The following FBN2 variants were observed in gnomAD, a reference collection of about 807,000 sequenced individuals.
The protein encoded by FBN2 is fibrillin-2.
FBN2 carries 105 observed loss-of-function variants against 355.6 expected under a neutral mutation model. The observed-to-expected ratio is 0.30, with a 90% CI of 0.25 to 0.35. The LOEUF is 0.35. Ranked by LOEUF, FBN2 falls within the 10% of genes least tolerant of loss-of-function variation. FBN2 has a pLI of 1.00. For synonymous variants in FBN2, 1,350 were observed against 1,301.2 expected, an observed-to-expected ratio of 1.04 and a Z score of -0.81; for missense variants, 3,280 against 3,758.7, an observed-to-expected ratio of 0.87 and a Z score of 3.33.
intron 5 of FBN2, among the ~76,000 whole-genome samples, chr5:128,469,015 G>C (rs1754785925): frequency 6.6e-6 from 1 of 152,082 alleles, no homozygotes; most frequent in South Asian, 2.1e-4. Context: ...TGGAAATTAA[G>C]TCTACAACTG....
intron 5 of FBN2, among the ~76,000 whole-genome samples, chr5:128,480,004 A>C (rs868603446): frequency 1.8e-3 from 142 of 79,890 alleles, no homozygotes; most frequent in Non-Finnish European, 2.7e-3. Flanking sequence ...ATATATATAT[A>C]TATATATATA....
Position 128,361,736 on chromosome 5 carries a change from T to C in FBN2, c.2541A>G (p.Thr847=). The change falls in exon 19 of 65, where the codon ACA becomes ACG. Residue 847 remains threonine (T), a synonymous_variant. Transcript: ENST00000262464. ...GACAGCTCTTACCTTCACAGGTCTCTGTCTCAGTCCTGAACACATACCCTG... is the reference window on the plus strand; with the variant it reads ...GACAGCTCTTACCTTCACAGGTCTCCGTCTCAGTCCTGAACACATACCCTG... ...CPPGYVFRTE[T]ETCEDINECE... The C allele has an allele frequency of 6.2e-7, 1 of 1,614,182 alleles. No individual in the cohort carries two copies. Among genetic ancestry groups the C allele is most frequent in the South Asian group, 1.1e-5 (1 of 91,086 alleles).
rs1045470533 is a variant in FBN2 at position 128,386,766 on chromosome 5, A to G, written c.1603+5252T>C. Among the ~76,000 whole-genome samples the G allele has an allele frequency of 5.9e-5, 9 of 152,080 alleles. No homozygotes were observed. The East Asian group carries it at 1.7e-3, about 29-fold the overall frequency. ...TTATTGATTTGCATATGCTGAACTC[A>G]CCTTGCATCCTAGGGATAAAGCTTA... On this transcript the variant is annotated intron_variant, in intron 11 of 64. Coordinates refer to ENST00000262464, the MANE Select transcript of FBN2 (RefSeq NM_001999.4).
At chr5:128,321,266 T>TA (rs1320075238) in intron 34 of FBN2, among the ~76,000 whole-genome samples, 5 of 152,224 alleles carry the variant, frequency 3.3e-5, no homozygotes, top group Non-Finnish European at 7.3e-5. Context: ...TGTCTTTTGA[T>TA]ATTGAATATT....
chr5:128,272,242 T>G (rs10038028), intron 61 of FBN2, 124 bp from the exon 62 acceptor site: 1 of 1,085,272 alleles, frequency 9.2e-7, no homozygotes, highest in Non-Finnish European at 1.4e-6. Flanking sequence ...ACATGACACA[T>G]AGAGAGGCTG....
intron 6 of FBN2, among the ~76,000 whole-genome samples, chr5:128,455,990 CAAAAAAAAAAAAAAAA>C (rs70997371): frequency 1.2e-3 from 31 of 25,278 alleles, no homozygotes; most frequent in Admixed American, 0.01. Flanking sequence ...GGGTTAGCAA[CAAAAAAAAAAAAAAAA>C]AAAAAAAAAA....
rs1000736386 is a variant in FBN2, at chr5:128,407,623, T to C, written c.1078+1051A>G. Among the ~76,000 whole-genome samples the C allele has an allele frequency of 3.3e-5, 5 of 152,218 alleles. No homozygotes were observed. The East Asian group carries it at 9.6e-4, about 29-fold the overall frequency. ...TCTACTGTTATTTATGATGACAATA[T>C]GGCATTCTGAAGGCAGGATTTGTAT... On this transcript the variant is annotated intron_variant, in intron 8 of 64. Coordinates refer to ENST00000262464, the MANE Select transcript of FBN2 (RefSeq NM_001999.4).
At chr5:128,449,868 A>T (rs1199955766) in intron 6 of FBN2, among the ~76,000 whole-genome samples, 1 of 152,078 alleles carries the variant, frequency 6.6e-6, no homozygotes, top group Non-Finnish European at 1.5e-5. Context: ...CAATTAAAAA[A>T]ATCTGGAATG....
At chr5:128,520,398 T>C (rs1173811308) in intron 4 of FBN2, among the ~76,000 whole-genome samples, 1 of 152,156 alleles carries the variant, frequency 6.6e-6, no homozygotes, top group Non-Finnish European at 1.5e-5. Flanking sequence ...GTTGAAACAT[T>C]TGTCCTCACA....
chr5:128,368,871 G>T (rs544356549), intron 16 of FBN2, among the ~76,000 whole-genome samples: 5 of 150,972 alleles, frequency 3.3e-5, no homozygotes, highest in African/African-American at 1.2e-4. Context: ...CCAAGACAGG[G>T]TCTCACCCTG....
intron 41 of FBN2, among the ~76,000 whole-genome samples, chr5:128,308,601 T>C (rs1436427561): frequency 1.3e-5 from 2 of 152,186 alleles, no homozygotes; most frequent in African/African-American, 4.8e-5. Flanking sequence ...GAGAGCCTGA[T>C]GGACAGCAAT....
chr5:128,315,442 C>T (rs1750175759), intron 36 of FBN2, among the ~76,000 whole-genome samples: 1 of 152,156 alleles, frequency 6.6e-6, no homozygotes, highest in Non-Finnish European at 1.5e-5. Flanking sequence ...ATCATTATTT[C>T]TGGTTCTTCT....
chr5:128,300,905 A>G lies in FBN2; in HGVS notation c.6078T>C (p.Ser2026=). The change falls in exon 48 of 65, where the codon TCT becomes TCC. Residue 2026 remains serine, a synonymous_variant. Transcript: ENST00000262464. ...DTNECVALPG[S]CSPGTCQNLE... ...AATTCTGACAGGTACCAGGAGAGCAAGAGCCGGGAAGGGCGACACACTCAT... is the reference window on the plus strand; with the variant it reads ...AATTCTGACAGGTACCAGGAGAGCAGGAGCCGGGAAGGGCGACACACTCAT... 6.2e-7 allele frequency: 1 copy of G among 1,613,882 alleles called. No individual in the cohort carries two copies. Among genetic ancestry groups the G allele is most frequent in the Non-Finnish European group, 8.5e-7 (1 of 1,179,740 alleles).
chr5:128,297,981 T>C, intron 48 of FBN2, among the ~76,000 whole-genome samples: 1 of 151,602 alleles, frequency 6.6e-6, no homozygotes, highest in Non-Finnish European at 1.5e-5. Flanking sequence ...GTACCGGTTG[T>C]TCCTTTCCAT....
chr5:128,498,795 T>C (rs964093531), intron 5 of FBN2, among the ~76,000 whole-genome samples: 3 of 152,196 alleles, frequency 2.0e-5, no homozygotes, highest in Non-Finnish European at 4.4e-5. Flanking sequence ...TTCACTATGA[T>C]CTCTACAATC....
intron 11 of FBN2, among the ~76,000 whole-genome samples, chr5:128,384,980 G>A (rs1752327795): frequency 2.0e-5 from 3 of 152,070 alleles, no homozygotes; most frequent in African/African-American, 7.2e-5. Flanking sequence ...TATGAAATGG[G>A]TTCTTTGGCT....
rs748823633 is a variant in FBN2, at chr5:128,280,388, G to A, written c.7013-71C>T. On this transcript the variant is annotated intron_variant, in intron 55 of 64. Coordinates refer to ENST00000262464, the MANE Select transcript of FBN2 (RefSeq NM_001999.4). The stretch of plus-strand genomic sequence containing the variant: ...ATAGTTTACAAGCTATCTTCTAATG[G>A]GTTATATCTTATTTAACACTTCTTT... 27 of 1,206,726 alleles carry A rather than the reference G, an allele frequency of 2.2e-5. No homozygotes were observed. The South Asian group carries it at 2.9e-4, about 13-fold the overall frequency. 74.8% of individuals were successfully genotyped at this position (1,206,726 alleles called of 1,614,324 possible).
At chr5:128,448,091 A>G (rs1754123200) in intron 6 of FBN2, among the ~76,000 whole-genome samples, 1 of 152,282 alleles carries the variant, frequency 6.6e-6, no homozygotes, top group South Asian at 2.1e-4. Context: ...GACTATGGAC[A>G]TTGAGGACTC....
chr5:128,463,936 A>G (rs1754627248), intron 6 of FBN2, among the ~76,000 whole-genome samples: 1 of 152,224 alleles, frequency 6.6e-6, no homozygotes, highest in Non-Finnish European at 1.5e-5. Context: ...CTGCTATGCA[A>G]TATGAAGGCA....
Sources: gnomAD v4.1 joint callset for allele counts (sites outside exome capture counted in the v4.1 genomes callset) on GRCh38, gnomAD v4.1.1 for gene constraint, MANE v1.5 for transcripts, NCBI Gene and HGNC (gene_info 2026-07-23, HGNC 2026-07-21) for gene names.